The following CTNNA3 variants were observed in gnomAD, a reference collection of about 807,000 sequenced individuals.
CTNNA3 encodes the protein catenin alpha 3.
Under a neutral mutation model 95.7 loss-of-function variants are expected in CTNNA3, and 76 were observed. The ratio of observed to expected loss-of-function variants is 0.79; its 90% CI spans 0.66 to 0.96. The LOEUF is 0.96. Among genes scored for constraint, CTNNA3 ranks in the 40% least tolerant of loss-of-function variants. The probability of loss-of-function intolerance (pLI) is 0.00; values close to 1 mark genes in which losing one functional copy is unlikely to be tolerated. For missense variants in CTNNA3, 1,191 were observed against 1,089.8 expected, an observed-to-expected ratio of 1.09 and a Z score of -1.31; for synonymous variants, 431 against 374.4, an observed-to-expected ratio of 1.15 and a Z score of -1.74.
intron 13 of CTNNA3, among the ~76,000 whole-genome samples, chr10:66,182,404 C>T (rs1238536531): frequency 2.0e-5 from 3 of 152,018 alleles, no homozygotes; most frequent in Non-Finnish European, 2.9e-5. Flanking sequence ...TACAGGCGCC[C>T]GCCACCACGC....
chr10:66,974,805 T>G (rs571075349), intron 7 of CTNNA3, among the ~76,000 whole-genome samples: 11 of 144,076 alleles, frequency 7.6e-5, no homozygotes, highest in South Asian at 6.4e-4. Flanking sequence ...CAACCATTTG[T>G]TTTTTTTTTT....
Position 65,919,721 on chromosome 10 carries a change from T to C in CTNNA3, c.*609A>G, listed in dbSNP as rs906335139. ...AGGTTGACCTTCAAAATCCAGCAAG[T>C]AGCCTAACTATTCAAATTTGATTAG... is the stretch of plus-strand genomic sequence containing the variant. On this transcript the variant is annotated 3_prime_UTR_variant, in exon 18 of 18. Coordinates refer to ENST00000433211, the MANE Select transcript of CTNNA3 (RefSeq NM_013266.4). 1 of 152,264 alleles carries C rather than the reference T, an allele frequency of 6.6e-6. No individual in the cohort carries two copies. The highest frequency in any genetic ancestry group is 2.4e-5 in the African/African-American group (1 of 41,442). The allele number at this position is 152,264 out of a possible 1,614,324, so 9.4% of individuals were successfully genotyped here.
intron 10 of CTNNA3, among the ~76,000 whole-genome samples, chr10:66,541,564 T>C (rs577660245): frequency 1.3e-5 from 2 of 152,274 alleles, no homozygotes; most frequent in African/African-American, 4.8e-5. Flanking sequence ...TAATGTATTG[T>C]TAGGTAAAAT....
chr10:65,995,349 A>G (rs2078634345), intron 15 of CTNNA3, among the ~76,000 whole-genome samples: 1 of 152,160 alleles, frequency 6.6e-6, no homozygotes. Flanking sequence ...TTGGTTTCAC[A>G]GGACACTTTA....
At chr10:66,533,674 G>A (rs913619670) in intron 10 of CTNNA3, among the ~76,000 whole-genome samples, 1 of 152,096 alleles carries the variant, frequency 6.6e-6, no homozygotes, top group African/African-American at 2.4e-5. Context: ...CCAGTCTAAG[G>A]CTCCTTCTAC....
rs182068609 is a variant in CTNNA3, at chr10:67,499,585, T to G, written c.579+22257A>C. 2.8e-3 allele frequency among the ~76,000 whole-genome samples: 426 copies of G among 152,316 alleles called. 6 individuals carry two copies. Among genetic ancestry groups the G allele is most frequent in the African/African-American group, 9.9e-3 (410 of 41,572 alleles). On this transcript the variant is annotated intron_variant, in intron 5 of 17. Transcript: ENST00000433211. ...CCTGGGCTTTTTTTGGTTGGTAGGC[T>G]ATTAATTACTGTCTCAATTTCAGAA...
intron 5 of CTNNA3, among the ~76,000 whole-genome samples, chr10:67,271,619 A>C (rs1369336635): frequency 1.3e-5 from 2 of 152,200 alleles, no homozygotes; most frequent in African/African-American, 4.8e-5. Context: ...GAGCCCAAAC[A>C]AGGCCTCCTC....
At chr10:67,669,608 G>A (rs560948343) in intron 1 of CTNNA3, among the ~76,000 whole-genome samples, 6 of 152,262 alleles carry the variant, frequency 3.9e-5, no homozygotes, top group East Asian at 1.9e-4. Flanking sequence ...AAACTTCTAT[G>A]AAGAGTAATT....
At position 66,635,745 on chromosome 10, in the gene CTNNA3, T is replaced by C. The variant is rs1200977110; in HGVS notation, c.1282-13961A>G. Among the ~76,000 whole-genome samples, 4 of 152,136 alleles carry C rather than the reference T, an allele frequency of 2.6e-5. 1 individual carries two copies. Among genetic ancestry groups the C allele is most frequent in the Non-Finnish European group, 5.9e-5 (4 of 67,988 alleles). On this transcript the variant is annotated intron_variant, in intron 9 of 17. Coordinates refer to ENST00000433211, the MANE Select transcript of CTNNA3 (RefSeq NM_013266.4). ...TACACACCCAGATTCATTCCTTACT[T>C]TCACAAAAGAACGGGTCTCTTAGTA...
At position 66,137,971 on chromosome 10, in the gene CTNNA3, T is replaced by C. The variant is rs531501319; in HGVS notation, c.1885-34722A>G. On this transcript the variant is annotated intron_variant, in intron 13 of 17. Coordinates refer to ENST00000433211, the MANE Select transcript of CTNNA3 (RefSeq NM_013266.4). The stretch of plus-strand genomic sequence containing the variant: ...TCTTGAAAATAACAACAAAATTTTG[T>C]GCATAGATATATAAATAACAATAAA... Among the ~76,000 whole-genome samples, 5 of 151,388 alleles carry C rather than the reference T, an allele frequency of 3.3e-5. No homozygotes were observed. In the East Asian group the frequency reaches 9.7e-4, roughly 29 times the overall value.
chr10:66,471,253 T>C (rs2456665), intron 11 of CTNNA3, among the ~76,000 whole-genome samples: 32,185 of 151,724 alleles, frequency 0.21, 6,514 homozygotes, highest in East Asian at 0.84. Context: ...CATATTTTTA[T>C]AATGTATATC....
At chr10:67,573,386 A>AT (rs1564750571) in intron 3 of CTNNA3, among the ~76,000 whole-genome samples, 1 of 152,146 alleles carries the variant, frequency 6.6e-6, no homozygotes, top group Non-Finnish European at 1.5e-5. Flanking sequence ...AGGGTGACTG[A>AT]TAAGTCTTGA....
chr10:67,186,789 A>T (rs1862871182), intron 6 of CTNNA3, among the ~76,000 whole-genome samples: 1 of 152,198 alleles, frequency 6.6e-6, no homozygotes, highest in East Asian at 1.9e-4. Flanking sequence ...TCCTTTTTTA[A>T]GGTTCCACTC....
At chr10:66,913,238 C>CAAAA (rs1161880781) in intron 7 of CTNNA3, among the ~76,000 whole-genome samples, 889 of 33,522 alleles carry the variant, frequency 0.027, 148 homozygotes, top group East Asian at 0.075. Flanking sequence ...GACTCCGTCT[C>CAAAA]AAAAAAAAAA....
intron 9 of CTNNA3, among the ~76,000 whole-genome samples, chr10:66,660,285 T>G (rs2132440506): frequency 6.6e-6 from 1 of 152,316 alleles, no homozygotes; most frequent in Non-Finnish European, 1.5e-5. Context: ...GCCAGTGTGG[T>G]TCTTCTGTGA....
At chr10:65,970,494 T>C (rs2133268424) in intron 16 of CTNNA3, among the ~76,000 whole-genome samples, 1 of 152,026 alleles carries the variant, frequency 6.6e-6, no homozygotes, top group South Asian at 2.1e-4. Flanking sequence ...TTGGATAGAA[T>C]AACAACATCC....
chr10:66,756,902 G>A lies in CTNNA3; in HGVS notation c.1281+9362C>T, dbSNP rs144323681. Among the ~76,000 whole-genome samples, 153 of 152,234 alleles carry A rather than the reference G, an allele frequency of 1.0e-3. 1 individual carries two copies. The highest frequency in any genetic ancestry group is 1.2e-3 in the Admixed American group (18 of 15,286). On this transcript the variant is annotated intron_variant, in intron 9 of 17. Transcript: ENST00000433211. ...AAAACTTGACCCTAGAGCAGAAATT[G>A]CAAAACTAGTGATTCTTGGCATTAT...
At chr10:67,106,516 T>C in intron 7 of CTNNA3, among the ~76,000 whole-genome samples, 1 of 152,240 alleles carries the variant, frequency 6.6e-6, no homozygotes, top group East Asian at 1.9e-4. Context: ...TGTTTACTTT[T>C]CTAAGCATTT....
At chr10:67,409,176 G>A (rs1437895718) in intron 5 of CTNNA3, among the ~76,000 whole-genome samples, 1 of 152,150 alleles carries the variant, frequency 6.6e-6, no homozygotes, top group East Asian at 1.9e-4. Flanking sequence ...AGACAGTGTG[G>A]TGATTCCTCA....
Sources: allele counts gnomAD v4.1 joint callset (sites outside exome capture counted in the v4.1 genomes callset), GRCh38; gene constraint gnomAD v4.1.1; transcripts MANE v1.5; gene names NCBI Gene and HGNC (gene_info 2026-07-23, HGNC 2026-07-21).